Variants in MIR2052HG observed in about 807,000 individuals in gnomAD.
MIR2052HG encodes MIR2052 host gene.
intron 2 of MIR2052HG, among the ~76,000 whole-genome samples, chr8:74,616,825 C>G (rs1424286488): frequency 6.6e-6 from 1 of 152,148 alleles, no homozygotes; most frequent in Middle Eastern, 3.2e-3. Context: ...CTTGATCTGA[C>G]TTCTGCATGG....
chr8:74,743,704 C>T (rs1337213116), intron 4 of MIR2052HG, among the ~76,000 whole-genome samples: 1 of 152,154 alleles, frequency 6.6e-6, no homozygotes, highest in Non-Finnish European at 1.5e-5. Flanking sequence ...ACATTTATAC[C>T]ACCTGGGTGG....
At chr8:74,738,592 A>C (rs1288885995) in intron 4 of MIR2052HG, among the ~76,000 whole-genome samples, 1 of 152,182 alleles carries the variant, frequency 6.6e-6, no homozygotes, top group Non-Finnish European at 1.5e-5. Flanking sequence ...TTGGGCTTAT[A>C]TTATTTATCT....
At chr8:74,744,811 T>TG (rs1809867619) in intron 4 of MIR2052HG, among the ~76,000 whole-genome samples, 1 of 152,082 alleles carries the variant, frequency 6.6e-6, no homozygotes, top group Non-Finnish European at 1.5e-5. Context: ...AATAAAACAA[T>TG]GGGGCCAGGA....
At chr8:74,660,265 ATTAT>A (rs1808847500) in intron 2 of MIR2052HG, among the ~76,000 whole-genome samples, 2 of 152,148 alleles carry the variant, frequency 1.3e-5, no homozygotes, top group African/African-American at 4.8e-5. Flanking sequence ...AGCTTACTTT[ATTAT>A]TTATTAACTC....
intron 2 of MIR2052HG, among the ~76,000 whole-genome samples, chr8:74,620,447 T>C (rs1373511920): frequency 6.6e-6 from 1 of 152,236 alleles, no homozygotes; most frequent in East Asian, 1.9e-4. Context: ...GCTCTGCCCC[T>C]GCAGGAAACT....
At chr8:74,616,918 C>A (rs1808290243) in intron 2 of MIR2052HG, among the ~76,000 whole-genome samples, 1 of 151,792 alleles carries the variant, frequency 6.6e-6, no homozygotes, top group South Asian at 2.1e-4. Context: ...TGCCACATGC[C>A]AGCTCTGTTT....
At chr8:74,624,453 G>T (rs1808408469) in intron 2 of MIR2052HG, among the ~76,000 whole-genome samples, 1 of 152,200 alleles carries the variant, frequency 6.6e-6, no homozygotes, top group Non-Finnish European at 1.5e-5. Context: ...TGAAGCATTT[G>T]CTTATAATCA....
chr8:74,611,400 G>A (rs1586888137), intron 1 of MIR2052HG, among the ~76,000 whole-genome samples: 1 of 151,956 alleles, frequency 6.6e-6, no homozygotes, highest in South Asian at 2.1e-4. Context: ...TTTTTTGAAA[G>A]AATTTGGCGA....
At chr8:74,744,459 A>G (rs992567991) in intron 4 of MIR2052HG, among the ~76,000 whole-genome samples, 86 of 151,990 alleles carry the variant, frequency 5.7e-4, no homozygotes, top group African/African-American at 1.6e-3. Flanking sequence ...ATATCTCCCA[A>G]TGCTATCCGT....
chr8:74,652,936 A>C (rs918728828), intron 2 of MIR2052HG, among the ~76,000 whole-genome samples: 1 of 152,202 alleles, frequency 6.6e-6, no homozygotes, highest in African/African-American at 2.4e-5. Context: ...CAAAACAATA[A>C]GGGAACTGCA....
intron 2 of MIR2052HG, among the ~76,000 whole-genome samples, chr8:74,630,091 G>A (rs1808487783): frequency 6.6e-6 from 1 of 152,168 alleles, no homozygotes; most frequent in Admixed American, 6.5e-5. Context: ...ATGTCATAGT[G>A]GAAGTTCAGG....
rs1436307182 is a variant in MIR2052HG at position 74,691,892 on chromosome 8, T to C, written n.217-10487T>C. 2.0e-5 allele frequency among the ~76,000 whole-genome samples: 3 copies of C among 152,294 alleles called. No homozygotes were observed. In the East Asian group the frequency reaches 5.8e-4, roughly 29 times the overall value. ...CTCTACCATTCTCCCATTAGTTATA[T>C]TTTTATTTTAGCCCCAACCAAACCC... On this transcript the variant is annotated intron_variant and non_coding_transcript_variant, in intron 2 of 6. Coordinates refer to ENST00000523442, the Ensembl canonical transcript of MIR2052HG.
intron 4 of MIR2052HG, among the ~76,000 whole-genome samples, chr8:74,709,558 C>A (rs1243236329): frequency 6.6e-6 from 1 of 151,916 alleles, no homozygotes; most frequent in African/African-American, 2.4e-5. Flanking sequence ...AAAGCATGGA[C>A]AGCTAAGAGT....
chr8:74,640,159 A>G (rs1808622860), intron 2 of MIR2052HG, among the ~76,000 whole-genome samples: 1 of 152,146 alleles, frequency 6.6e-6, no homozygotes, highest in Non-Finnish European at 1.5e-5. Context: ...TCAATGCGGA[A>G]ATAAGGGTAG....
At chr8:74,678,228 A>G (rs753852825) in intron 2 of MIR2052HG, among the ~76,000 whole-genome samples, 1 of 152,166 alleles carries the variant, frequency 6.6e-6, no homozygotes, top group Admixed American at 6.6e-5. Context: ...TTCAATTAAG[A>G]TACAATAATT....
intron 2 of MIR2052HG, among the ~76,000 whole-genome samples, chr8:74,682,231 TA>T (rs942615614): frequency 6.4e-4 from 97 of 152,112 alleles, no homozygotes; most frequent in Non-Finnish European, 5.3e-4. Flanking sequence ...GTGACTACCT[TA>T]ATGAGTTCAG....
intron 2 of MIR2052HG, among the ~76,000 whole-genome samples, chr8:74,681,572 G>A (rs1196196173): frequency 6.6e-6 from 1 of 152,110 alleles, no homozygotes; most frequent in Non-Finnish European, 1.5e-5. Context: ...GGGAGGTGGG[G>A]TTTTTGAGAG....
intron 2 of MIR2052HG, chr8:74,632,380 T>C (rs1410217501): frequency 6.6e-6 from 1 of 152,134 alleles, no homozygotes; most frequent in African/African-American, 2.4e-5. Flanking sequence ...TATTATCCTA[T>C]AGTGGCCCCG....
intron 2 of MIR2052HG, among the ~76,000 whole-genome samples, chr8:74,647,226 T>C (rs759991889): frequency 6.6e-6 from 1 of 152,180 alleles, no homozygotes; most frequent in Non-Finnish European, 1.5e-5. Context: ...AGAGGTGATA[T>C]GGCATTACAG....
Sources: allele counts gnomAD v4.1 joint callset (sites outside exome capture counted in the v4.1 genomes callset), GRCh38; gene constraint gnomAD v4.1.1; transcripts MANE v1.5; gene names NCBI Gene and HGNC (gene_info 2026-07-23, HGNC 2026-07-21).